Variants in BCAS3 observed in about 807,000 individuals in gnomAD.
BCAS3 encodes BCAS4/BCAS3 fusion.
A neutral mutation model predicts 116.1 loss-of-function variants in BCAS3; 53 were observed. The observed-to-expected ratio is 0.46, with a 90% CI of 0.37 to 0.57. BCAS3 has a LOEUF of 0.57. Among genes scored for constraint, BCAS3 ranks in the 20% least tolerant of loss-of-function variants. BCAS3 has a pLI of 0.00. For missense variants in BCAS3, 917 were observed against 1,165.4 expected (o/e 0.79, Z 3.10); for synonymous variants, 391 against 408.2 (o/e 0.96, Z 0.51).
intron 5 of BCAS3, among the ~76,000 whole-genome samples, chr17:60,721,019 A>C (rs1275346003): frequency 6.6e-6 from 1 of 152,124 alleles, no homozygotes; most frequent in Non-Finnish European, 1.5e-5. Context: ...CTTTTTGTGT[A>C]GTTTTTATAC....
intron 22 of BCAS3, among the ~76,000 whole-genome samples, chr17:61,272,930 G>A (rs1004423766): frequency 6.6e-6 from 1 of 151,920 alleles, no homozygotes; most frequent in African/African-American, 2.4e-5. Flanking sequence ...GATCTCCTAT[G>A]CCCTCCTGTA....
chr17:61,109,719 T>A (rs1236502859), intron 22 of BCAS3, among the ~76,000 whole-genome samples: 1 of 152,200 alleles, frequency 6.6e-6, no homozygotes, highest in Non-Finnish European at 1.5e-5. Context: ...CATATGCTTG[T>A]TGGCCATTTG....
intron 22 of BCAS3, among the ~76,000 whole-genome samples, chr17:61,094,576 G>A (rs540666604): frequency 1.4e-4 from 21 of 152,320 alleles, no homozygotes; most frequent in Non-Finnish European, 2.8e-4. Context: ...GGCCGGACAC[G>A]ATGGCACACG....
Position 61,233,535 on chromosome 17 carries a change from GAA to G in BCAS3, c.2426-134790_2426-134789del, listed in dbSNP as rs2082817670. Among the ~76,000 whole-genome samples, 1 of 152,222 alleles carries G rather than the reference GAA, an allele frequency of 6.6e-6. No individual in the cohort carries two copies. Among genetic ancestry groups the G allele is most frequent in the African/African-American group, 2.4e-5 (1 of 41,464 alleles). Reference sequence around the variant, plus strand: ...AACACAGTAAATGAAGGGCTTCCCTGAAAGGTGGAGCCAGTAGACTTGATTTG... The same window carrying G: ...AACACAGTAAATGAAGGGCTTCCCTGAGGTGGAGCCAGTAGACTTGATTTG... On this transcript the variant is annotated intron_variant, in intron 22 of 23. Transcript: ENST00000407086. The surrounding 1 kb of genome is among the most constrained non-coding windows in gnomAD (Gnocchi z 4.3).
chr17:61,135,616 C>T (rs1413059406), intron 22 of BCAS3, among the ~76,000 whole-genome samples: 1 of 152,208 alleles, frequency 6.6e-6, no homozygotes, highest in African/African-American at 2.4e-5. Context: ...GCTTAGCAGA[C>T]TACTGCCACC....
intron 6 of BCAS3, among the ~76,000 whole-genome samples, chr17:60,761,732 T>C (rs370635637): frequency 1.3e-5 from 2 of 150,178 alleles, no homozygotes; most frequent in South Asian, 4.1e-4. Flanking sequence ...GTAATGGGAT[T>C]GCTGGGCTAA....
rs1200273066 is a variant in BCAS3, at chr17:61,348,735, A to C, written c.2426-19592A>C. Reference sequence around the variant, plus strand: ...GGGAGGACAGTCACGTGCTTCTTGCAACCTCTTGGGCAGAGATTCTTTTTT... The same window carrying C: ...GGGAGGACAGTCACGTGCTTCTTGCCACCTCTTGGGCAGAGATTCTTTTTT... On this transcript the variant is annotated intron_variant, in intron 22 of 23. Coordinates refer to ENST00000407086, the MANE Select transcript of BCAS3 (RefSeq NM_017679.5). The surrounding 1 kb of genome is among the most constrained non-coding windows in gnomAD (Gnocchi z 4.5). Among the ~76,000 whole-genome samples, 1 of 149,562 alleles carries C rather than the reference A, an allele frequency of 6.7e-6. No individual in the cohort carries two copies. Among genetic ancestry groups the C allele is most frequent in the African/African-American group, 2.4e-5 (1 of 40,922 alleles).
Position 61,226,372 on chromosome 17 carries a change from C to T in BCAS3, c.2425+141808C>T, listed in dbSNP as rs976594819. Among the ~76,000 whole-genome samples, 1 of 152,156 alleles carries T rather than the reference C, an allele frequency of 6.6e-6. No homozygotes were observed. The highest frequency in any genetic ancestry group is 2.4e-5 in the African/African-American group (1 of 41,432). ...ATTTGAAACATTTAAATTATATTAA[C>T]AGTTTTTCTTTTTTGTATAGTTGAA... On this transcript the variant is annotated intron_variant, in intron 22 of 23. Transcript: ENST00000407086. This position sits in a 1 kb window ranked among gnomAD's most constrained non-coding sequence, Gnocchi z 6.0.
chr17:61,073,849 C>T lies in BCAS3; in HGVS notation c.2030-1071C>T, dbSNP rs572462442. On this transcript the variant is annotated intron_variant, in intron 19 of 23. Coordinates refer to ENST00000407086, the MANE Select transcript of BCAS3 (RefSeq NM_017679.5). The surrounding 1 kb of genome is among the most constrained non-coding windows in gnomAD (Gnocchi z 4.6). ...GGTAGGCCAGGCGTGGTGGTTCATG[C>T]CTGTAATCCCAGCACTCTGAGAGCC... Among the ~76,000 whole-genome samples the T allele has an allele frequency of 6.6e-5, 10 of 152,178 alleles. No individual in the cohort carries two copies. The highest frequency in any genetic ancestry group is 2.2e-4 in the African/African-American group (9 of 41,520).
chr17:61,030,741 T>A lies in BCAS3; in HGVS notation c.1638-3925T>A, dbSNP rs577728214. Among the ~76,000 whole-genome samples the A allele has an allele frequency of 5.8e-4, 89 of 152,208 alleles. 1 individual carries two copies. The highest frequency in any genetic ancestry group is 5.6e-3 in the South Asian group (27 of 4,822). ...TTACATTGATTCGTATCAGGCTTAG[T>A]AAATATGATGTTTTATGATTGTCAT... is the stretch of plus-strand genomic sequence containing the variant. On this transcript the variant is annotated intron_variant, in intron 16 of 23. Coordinates refer to ENST00000407086, the MANE Select transcript of BCAS3 (RefSeq NM_017679.5).
chr17:61,004,366 A>G lies in BCAS3; in HGVS notation c.1487-11385A>G, dbSNP rs773822964. Among the ~76,000 whole-genome samples, 3 of 151,970 alleles carry G rather than the reference A, an allele frequency of 2.0e-5. No individual in the cohort carries two copies. Among genetic ancestry groups the G allele is most frequent in the Non-Finnish European group, 4.4e-5 (3 of 67,984 alleles). ...GTACTTATCAAAAGGAAGATCTGAA[A>G]TGTTTTTTTTTTTTAATTTGGAGAA... On this transcript the variant is annotated intron_variant, in intron 15 of 23. Transcript: ENST00000407086. The surrounding 1 kb of genome is among the most constrained non-coding windows in gnomAD (Gnocchi z 4.8).
chr17:60,911,296 T>C (rs2058497725), intron 12 of BCAS3, among the ~76,000 whole-genome samples: 2 of 151,702 alleles, frequency 1.3e-5, no homozygotes. Context: ...CTAATTTTTG[T>C]ATTTTTATTA....
chr17:61,225,476 A>C (rs576131970), intron 22 of BCAS3, among the ~76,000 whole-genome samples: 30 of 152,284 alleles, frequency 2.0e-4, no homozygotes, highest in African/African-American at 7.0e-4. Context: ...AGATTAGTTT[A>C]TTTAATTTTG....
At chr17:60,780,748 A>G (rs543765372) in intron 6 of BCAS3, among the ~76,000 whole-genome samples, 19 of 152,318 alleles carry the variant, frequency 1.2e-4, no homozygotes, top group African/African-American at 4.6e-4. Context: ...AGAGCTTCCT[A>G]TTATAAATTA....
At chr17:60,762,630 C>T (rs111782112) in intron 6 of BCAS3, among the ~76,000 whole-genome samples, 41,706 of 151,998 alleles carry the variant, frequency 0.27, 11,429 homozygotes, top group African/African-American at 0.71. Context: ...AGTCAGGTAG[C>T]GTGATGCCTC....
chr17:61,141,923 T>TAAAA lies in BCAS3; in HGVS notation c.2425+57360_2425+57361insAAAA, dbSNP rs1568440453. Among the ~76,000 whole-genome samples the TAAAA allele has an allele frequency of 8.5e-5, 1 of 11,832 alleles. No homozygotes were observed. The highest frequency in any genetic ancestry group is 1.0e-3 in the Non-Finnish European group (1 of 968). The allele number at this position is 11,832 out of a possible 152,430, so 7.8% of individuals were successfully genotyped here. A position where few individuals can be genotyped will look rare whatever the true frequency, so the allele number is the denominator to read the frequency against. On this transcript the variant is annotated intron_variant, in intron 22 of 23. Coordinates refer to ENST00000407086, the MANE Select transcript of BCAS3 (RefSeq NM_017679.5). The surrounding 1 kb of genome is among the most constrained non-coding windows in gnomAD (Gnocchi z 4.3). The stretch of plus-strand genomic sequence containing the variant: ...TCAAGAAAAAAAAAAAAAAAAAAGT[T>TAAAA]AGACAATTATACAGAGATACTCAAG...
rs1345975466 is a variant in BCAS3, at chr17:61,132,891, C to CAGTA, written c.2425+48327_2425+48328insAGTA. Among the ~76,000 whole-genome samples the CAGTA allele has an allele frequency of 6.6e-6, 1 of 152,178 alleles. No homozygotes were observed. Among genetic ancestry groups the CAGTA allele is most frequent in the African/African-American group, 2.4e-5 (1 of 41,430 alleles). On this transcript the variant is annotated intron_variant, in intron 22 of 23. Transcript: ENST00000407086. This position sits in a 1 kb window ranked among gnomAD's most constrained non-coding sequence, Gnocchi z 5.1. ...CACCACCCCTGATTCATGACCTGAC[C>CAGTA]TACTGAAAGGTTTAACTTCCAGAGG...
At chr17:60,693,635 A>G (rs1439179627) in intron 4 of BCAS3, among the ~76,000 whole-genome samples, 1 of 150,472 alleles carries the variant, frequency 6.6e-6, no homozygotes, top group Admixed American at 6.7e-5. Flanking sequence ...CTGGTCTCAA[A>G]CTCCTGGGCT....
rs1359393501 is a variant in BCAS3 at position 61,131,190 on chromosome 17, A to G, written c.2425+46626A>G. On this transcript the variant is annotated intron_variant, in intron 22 of 23. Coordinates refer to ENST00000407086, the MANE Select transcript of BCAS3 (RefSeq NM_017679.5). The surrounding 1 kb of genome is among the most constrained non-coding windows in gnomAD (Gnocchi z 4.4). ...TTCTAAGAGAGTTTCAAAATGAAAA[A>G]AAATACTATGTGTTTGTAATTTTAT... Among the ~76,000 whole-genome samples the G allele has an allele frequency of 6.6e-6, 1 of 152,244 alleles. No individual in the cohort carries two copies. The highest frequency in any genetic ancestry group is 1.5e-5 in the Non-Finnish European group (1 of 68,038).
Sources: allele counts gnomAD v4.1 joint callset (sites outside exome capture counted in the v4.1 genomes callset), GRCh38; gene constraint gnomAD v4.1.1; non-coding constraint Gnocchi (gnomAD v3.1); transcripts MANE v1.5; gene names NCBI Gene and HGNC (gene_info 2026-07-23, HGNC 2026-07-21).